The following ADAM2 variants were observed in gnomAD, a reference collection of about 807,000 sequenced individuals.
The protein encoded by ADAM2 is disintegrin and metalloproteinase domain-containing protein 2.
In ADAM2, 101 loss-of-function variants were observed where a neutral mutation model predicts 99.3. That is an observed-to-expected ratio of 1.02 (90% CI 0.87 to 1.20). The LOEUF (loss-of-function observed/expected upper bound fraction) is 1.20, where lower values mean the gene tolerates loss of function less well. ADAM2 is among the 50% of genes most tolerant of loss of function. The pLI, the probability that ADAM2 is intolerant of heterozygous loss-of-function variation, is 0.00. For synonymous variants in ADAM2, 323 were observed against 287.6 expected (o/e 1.12, Z -1.25); for missense variants, 948 against 878.7 (o/e 1.08, Z -1.00).
At chr8:39,753,823 ACACACACT>A (rs1396402612) in intron 16 of ADAM2, among the ~76,000 whole-genome samples, 3 of 151,822 alleles carry the variant, frequency 2.0e-5, no homozygotes, top group Non-Finnish European at 4.4e-5. Flanking sequence ...ACACACACAC[ACACACACT>A]CACACACACA....
chr8:39,766,768 C>T (rs1802581185), intron 14 of ADAM2, 80 bp downstream of exon 14: 1 of 987,890 alleles, frequency 1.0e-6, no homozygotes, highest in South Asian at 1.7e-5. Context: ...TTTTAAAAAT[C>T]ACAATCATGT....
In ADAM2 at chr8:39,766,474, C is replaced by G. The variant is rs185542813; in HGVS notation, c.1507+374G>C. ...TTTTCTTTTGAGGTGGAGTCTCACT[C>G]TTTCTCCCAGGCTGGAGTGCAGTGG... is the stretch of plus-strand genomic sequence containing the variant. On this transcript the variant is annotated intron_variant, in intron 14 of 20. Transcript: ENST00000265708. Among the ~76,000 whole-genome samples the G allele has an allele frequency of 7.5e-5, 11 of 147,432 alleles. No individual in the cohort carries two copies. In the East Asian group the frequency reaches 1.8e-3, roughly 24 times the overall value.
chr8:39,779,169 A>T (rs1002283221), intron 10 of ADAM2, among the ~76,000 whole-genome samples: 1 of 152,162 alleles, frequency 6.6e-6, no homozygotes, highest in Non-Finnish European at 1.5e-5. Context: ...GGTTTAATCA[A>T]GAGAAATTTA....
chr8:39,787,651 T>G (rs1021408959), intron 9 of ADAM2, among the ~76,000 whole-genome samples: 84 of 151,550 alleles, frequency 5.5e-4, no homozygotes, highest in African/African-American at 1.7e-3. Context: ...GCTAATGTAC[T>G]AAAACCTTAA....
chr8:39,745,571 A>G (rs1446758576), intron 19 of ADAM2, among the ~76,000 whole-genome samples: 2 of 151,994 alleles, frequency 1.3e-5, no homozygotes, highest in African/African-American at 2.4e-5. Flanking sequence ...AGATATTTTT[A>G]TTTTTAATAG....
At chr8:39,766,168 T>C (rs1425895016) in intron 14 of ADAM2, among the ~76,000 whole-genome samples, 1 of 152,150 alleles carries the variant, frequency 6.6e-6, no homozygotes, top group Non-Finnish European at 1.5e-5. Context: ...TTAAATGTGG[T>C]TTGAACTGTA....
Position 39,766,879 on chromosome 8 carries a change from C to A in ADAM2, c.1476G>T (p.Gly492=). ...CAAATGTGTCTGTACATTGTTTATC[C>A]CCACTCATACAAACTCCATCTATAC... ...WICIDGVCMS[G]DKQCTDTFGK... The change falls in exon 14 of 21, where the codon GGG becomes GGT. Residue 492 remains glycine, a synonymous_variant. Coordinates refer to ENST00000265708, the MANE Select transcript of ADAM2 (RefSeq NM_001464.5). 1 of 1,608,482 alleles carries A rather than the reference C, an allele frequency of 6.2e-7. No homozygotes were observed. The highest frequency in any genetic ancestry group is 8.5e-7 in the Non-Finnish European group (1 of 1,176,202).
At chr8:39,823,846 T>C (rs1410046336) in intron 4 of ADAM2, among the ~76,000 whole-genome samples, 1 of 152,166 alleles carries the variant, frequency 6.6e-6, no homozygotes, top group African/African-American at 2.4e-5. Context: ...CAACTAACCA[T>C]ATCTATTACT....
At chr8:39,833,868 A>G in intron 3 of ADAM2, 76 bp downstream of exon 3, 2 of 819,780 alleles carry the variant, frequency 2.4e-6, no homozygotes, top group South Asian at 2.9e-5. Flanking sequence ...ATACAAAATA[A>G]TTACATTCTG....
Position 39,785,673 on chromosome 8 carries a change from G to A in ADAM2, c.891+1301C>T, listed in dbSNP as rs1291314452. ...TAGCTGGGCTTGGTGGTGAGCACCTGTAATCCCAGCTACTTGGGAGACTGA... is the reference window on the plus strand; with the variant it reads ...TAGCTGGGCTTGGTGGTGAGCACCTATAATCCCAGCTACTTGGGAGACTGA... On this transcript the variant is annotated intron_variant, in intron 10 of 20. Coordinates refer to ENST00000265708, the MANE Select transcript of ADAM2 (RefSeq NM_001464.5). 3.9e-5 allele frequency among the ~76,000 whole-genome samples: 6 copies of A among 152,044 alleles called. No homozygotes were observed. The East Asian group carries it at 5.8e-4, about 15-fold the overall frequency.
intron 2 of ADAM2, among the ~76,000 whole-genome samples, chr8:39,836,396 T>G (rs1012722366): frequency 2.0e-5 from 3 of 152,180 alleles, no homozygotes; most frequent in Non-Finnish European, 2.9e-5. Flanking sequence ...ATGATTTGTT[T>G]TAGTAATAGA....
At chr8:39,781,040 G>A (rs1267224792) in intron 10 of ADAM2, among the ~76,000 whole-genome samples, 16 of 147,606 alleles carry the variant, frequency 1.1e-4, no homozygotes, top group African/African-American at 3.0e-4. Flanking sequence ...ATGGAATCTC[G>A]CACTCTCGCC....
intron 7 of ADAM2, among the ~76,000 whole-genome samples, chr8:39,792,788 A>G (rs1803774771): frequency 6.6e-6 from 1 of 152,146 alleles, no homozygotes; most frequent in African/African-American, 2.4e-5. Context: ...ATAAGTTAAG[A>G]TTAAAAGCAC....
chr8:39,803,563 G>A lies in ADAM2; in HGVS notation c.570+5847C>T, dbSNP rs145982048. Among the ~76,000 whole-genome samples the A allele has an allele frequency of 2.6e-3, 390 of 152,262 alleles. 1 individual carries two copies. Among genetic ancestry groups the A allele is most frequent in the Middle Eastern group, 0.01 (3 of 294 alleles). On this transcript the variant is annotated intron_variant, in intron 7 of 20. Coordinates refer to ENST00000265708, the MANE Select transcript of ADAM2 (RefSeq NM_001464.5). Reference sequence around the variant, plus strand: ...TTGATAAAGCTGCCTTAAAAAAGGCGACTTTTCTGCTGTGCCTGGAGCTCC... The same window carrying A: ...TTGATAAAGCTGCCTTAAAAAAGGCAACTTTTCTGCTGTGCCTGGAGCTCC...
intron 10 of ADAM2, among the ~76,000 whole-genome samples, chr8:39,785,816 A>C (rs1338454155): frequency 1.3e-5 from 2 of 151,876 alleles, no homozygotes; most frequent in Non-Finnish European, 2.9e-5. Flanking sequence ...AAAAAAAAGA[A>C]AGACAGAAAG....
At chr8:39,812,396 G>A (rs1297684660) in intron 6 of ADAM2, among the ~76,000 whole-genome samples, 1 of 152,198 alleles carries the variant, frequency 6.6e-6, no homozygotes, top group Non-Finnish European at 1.5e-5. Flanking sequence ...AGCTACTAAT[G>A]ACTTTCTTCA....
chr8:39,770,671 A>G (rs1333100888), intron 11 of ADAM2, among the ~76,000 whole-genome samples: 2 of 152,200 alleles, frequency 1.3e-5, no homozygotes, highest in Admixed American at 6.5e-5. Flanking sequence ...TGAGAGTATC[A>G]TACATGTAAA....
chr8:39,817,761 T>C (rs896841790), intron 6 of ADAM2: 1 of 151,662 alleles, frequency 6.6e-6, no homozygotes, highest in Non-Finnish European at 1.5e-5. Context: ...ATTAATAAAA[T>C]CAGAAATGAA....
chr8:39,753,751 C>T (rs994464834), intron 16 of ADAM2, among the ~76,000 whole-genome samples: 5 of 151,928 alleles, frequency 3.3e-5, no homozygotes, highest in South Asian at 2.1e-4. Flanking sequence ...GTAAATCCAC[C>T]GGAATAGTAA....
Sources: gnomAD v4.1 joint callset for allele counts (sites outside exome capture counted in the v4.1 genomes callset) on GRCh38, gnomAD v4.1.1 for gene constraint, MANE v1.5 for transcripts, NCBI Gene and HGNC (gene_info 2026-07-23, HGNC 2026-07-21) for gene names.